MAPK4: variants seen among roughly 807,000 people sequenced by gnomAD.
The protein encoded by MAPK4 is mitogen-activated protein kinase 4.
MAPK4 carries 22 observed loss-of-function variants against 47.7 expected under a neutral mutation model. The ratio of observed to expected loss-of-function variants is 0.46; its 90% CI spans 0.33 to 0.66. The LOEUF is 0.66. MAPK4 is among the 30% of genes least tolerant of loss of function. The pLI is 0.02. For synonymous variants in MAPK4, 390 were observed against 365.7 expected, an observed-to-expected ratio of 1.07 and a Z score of -0.76; for missense variants, 736 against 831.7, an observed-to-expected ratio of 0.88 and a Z score of 1.42.
At chr18:50,693,739 G>A (rs763371148) in intron 2 of MAPK4, among the ~76,000 whole-genome samples, 8 of 152,274 alleles carry the variant, frequency 5.3e-5, no homozygotes, top group East Asian at 1.9e-4. Context: ...TTGGATTCCC[G>A]TGGTAATCCT....
chr18:50,635,460 C>CTA (rs1288993153), intron 1 of MAPK4, among the ~76,000 whole-genome samples: 1 of 152,202 alleles, frequency 6.6e-6, no homozygotes, highest in African/African-American at 2.4e-5. Flanking sequence ...ATTCAAGATA[C>CTA]TATCATCAAT....
chr18:50,600,130 A>G (rs192948591), intron 1 of MAPK4, among the ~76,000 whole-genome samples: 4 of 152,310 alleles, frequency 2.6e-5, no homozygotes, highest in Non-Finnish European at 5.9e-5. Context: ...CCGTATGTAT[A>G]TGCATCTATG....
intron 1 of MAPK4, among the ~76,000 whole-genome samples, chr18:50,619,457 G>A (rs1489460488): frequency 6.6e-6 from 1 of 152,098 alleles, no homozygotes; most frequent in African/African-American, 2.4e-5. Context: ...AGGACTACAG[G>A]CATGTGCCAC....
At chr18:50,645,448 G>A (rs2042980324) in intron 1 of MAPK4, among the ~76,000 whole-genome samples, 1 of 152,132 alleles carries the variant, frequency 6.6e-6, no homozygotes, top group South Asian at 2.1e-4. Context: ...GAGGAGAGAT[G>A]GGCATATGAG....
intron 1 of MAPK4, among the ~76,000 whole-genome samples, chr18:50,579,502 C>T (rs1041214745): frequency 2.6e-5 from 4 of 152,154 alleles, no homozygotes; most frequent in Non-Finnish European, 4.4e-5. Flanking sequence ...GACAGTCCCA[C>T]CTCCTTAGTC....
chr18:50,627,317 A>T (rs773505104), intron 1 of MAPK4, among the ~76,000 whole-genome samples: 1 of 152,014 alleles, frequency 6.6e-6, no homozygotes, highest in Non-Finnish European at 1.5e-5. Flanking sequence ...CCTCAGGGGG[A>T]AGGTTCTGAA....
chr18:50,621,557 C>T (rs900717609), intron 1 of MAPK4, among the ~76,000 whole-genome samples: 2 of 152,156 alleles, frequency 1.3e-5, no homozygotes, highest in Non-Finnish European at 2.9e-5. Context: ...TTTTAGCTGA[C>T]TCTCCAAGCA....
intron 1 of MAPK4, among the ~76,000 whole-genome samples, chr18:50,655,468 C>T (rs1057255224): frequency 6.6e-6 from 1 of 152,142 alleles, no homozygotes; most frequent in Admixed American, 6.5e-5. Flanking sequence ...GAGCAGCCAT[C>T]TGCCCATATA....
chr18:50,572,410 T>G (rs1042187184), intron 1 of MAPK4, among the ~76,000 whole-genome samples: 1 of 152,216 alleles, frequency 6.6e-6, no homozygotes, highest in Non-Finnish European at 1.5e-5. Context: ...TTATGAAGTT[T>G]GTTGGGTCTC....
chr18:50,605,233 TCTGGGCCATGCTTTTAACTA>T (rs1325807664), intron 1 of MAPK4, among the ~76,000 whole-genome samples: 1 of 152,200 alleles, frequency 6.6e-6, no homozygotes, highest in Non-Finnish European at 1.5e-5. Flanking sequence ...TGTCTGCCTC[TCTGGGCCATGCTTTTAACTA>T]CTGGATGGGC....
intron 1 of MAPK4, among the ~76,000 whole-genome samples, chr18:50,601,178 A>G (rs2042536064): frequency 6.6e-6 from 1 of 151,694 alleles, no homozygotes; most frequent in Admixed American, 6.6e-5. Context: ...TTTTAAAAAT[A>G]CAAAAATTAG....
chr18:50,724,530 A>T (rs1447151878), intron 4 of MAPK4, among the ~76,000 whole-genome samples: 1 of 152,220 alleles, frequency 6.6e-6, no homozygotes, highest in Non-Finnish European at 1.5e-5. Context: ...CGATTCTTCC[A>T]GTCCTAGGAA....
At chr18:50,605,770 TC>T (rs1361103852) in intron 1 of MAPK4, among the ~76,000 whole-genome samples, 1 of 152,174 alleles carries the variant, frequency 6.6e-6, no homozygotes, top group African/African-American at 2.4e-5. Flanking sequence ...GTGCCTGCGC[TC>T]GTTCCTCCAT....
At chr18:50,578,245 A>T (rs2042315070) in intron 1 of MAPK4, among the ~76,000 whole-genome samples, 1 of 152,226 alleles carries the variant, frequency 6.6e-6, no homozygotes, top group Non-Finnish European at 1.5e-5. Context: ...CAGAGAGTTC[A>T]TTGAAGCTGC....
chr18:50,585,130 T>C (rs1053439285), intron 1 of MAPK4, among the ~76,000 whole-genome samples: 4 of 152,178 alleles, frequency 2.6e-5, no homozygotes, highest in African/African-American at 9.7e-5. Flanking sequence ...TAGGATGCTT[T>C]AAAAATAATA....
intron 1 of MAPK4, among the ~76,000 whole-genome samples, chr18:50,567,426 C>A (rs1289926619): frequency 6.6e-6 from 1 of 152,206 alleles, no homozygotes; most frequent in Non-Finnish European, 1.5e-5. Context: ...TGTGTCATTG[C>A]ATGAGCAACT....
rs1345985330 is a variant in MAPK4, at chr18:50,678,817, G to T, written c.546+14313G>T. ...CTGGGTGAAGGCAGCAGGAAAGGGGGAGCCATTCCTTGCCCTCCCTTTTGT... is the reference window on the plus strand; with the variant it reads ...CTGGGTGAAGGCAGCAGGAAAGGGGTAGCCATTCCTTGCCCTCCCTTTTGT... On this transcript the variant is annotated intron_variant, in intron 2 of 5. Transcript: ENST00000400384. This position sits in a 1 kb window ranked among gnomAD's most constrained non-coding sequence, Gnocchi z 4.2. 6.6e-6 allele frequency among the ~76,000 whole-genome samples: 1 copy of T among 152,170 alleles called. No individual in the cohort carries two copies. The highest frequency in any genetic ancestry group is 6.5e-5 in the Admixed American group (1 of 15,278).
At chr18:50,586,251 A>G (rs971246750) in intron 1 of MAPK4, among the ~76,000 whole-genome samples, 2 of 152,192 alleles carry the variant, frequency 1.3e-5, no homozygotes, top group African/African-American at 2.4e-5. Context: ...TGTCAAAGCT[A>G]TGTGATTTGG....
chr18:50,568,609 G>T (rs189061143), intron 1 of MAPK4, among the ~76,000 whole-genome samples: 117 of 152,176 alleles, frequency 7.7e-4, no homozygotes, highest in Non-Finnish European at 1.5e-3. Context: ...AGGGAGTTAG[G>T]GTTAGGAATA....
Sources: allele counts gnomAD v4.1 joint callset (sites outside exome capture counted in the v4.1 genomes callset), GRCh38; gene constraint gnomAD v4.1.1; non-coding constraint Gnocchi (gnomAD v3.1); transcripts MANE v1.5; gene names NCBI Gene and HGNC (gene_info 2026-07-23, HGNC 2026-07-21).